The following EPB41L5 variants were observed in gnomAD, a reference collection of about 807,000 sequenced individuals.
EPB41L5 encodes erythrocyte membrane protein band 4.1 like 5.
A neutral mutation model predicts 106.6 loss-of-function variants in EPB41L5; 55 were observed. The observed-to-expected ratio is 0.52, with a 90% CI of 0.42 to 0.65. The LOEUF (loss-of-function observed/expected upper bound fraction) is 0.65, where lower values mean the gene tolerates loss of function less well. EPB41L5 is among the 30% of genes least tolerant of loss of function. The pLI is 0.00. For synonymous variants in EPB41L5, 297 were observed against 306.7 expected (o/e 0.97, Z 0.33); for missense variants, 871 against 882.1 (o/e 0.99, Z 0.16).
intron 3 of EPB41L5, among the ~76,000 whole-genome samples, chr2:120,052,441 A>T (rs779662219): frequency 7.9e-5 from 12 of 152,134 alleles, no homozygotes; most frequent in Non-Finnish European, 8.8e-5. Context: ...GCTAGGCCTC[A>T]CCACTATGAA....
chr2:120,099,313 A>AT (rs1200444662), intron 14 of EPB41L5, among the ~76,000 whole-genome samples: 3 of 131,524 alleles, frequency 2.3e-5, no homozygotes, highest in African/African-American at 2.8e-5. Flanking sequence ...ATTTTACTGA[A>AT]TTTTTTTTTC....
At chr2:120,078,725 G>A (rs79848581) in intron 10 of EPB41L5, 144 bp downstream of exon 10, 112 of 538,760 alleles carry the variant, frequency 2.1e-4, no homozygotes, top group African/African-American at 2.0e-3. Context: ...ACACTATTAC[G>A]CATCATTATT....
chr2:120,160,861 A>G lies in EPB41L5; in HGVS notation c.1794-20A>G, dbSNP rs759869106. Reference sequence around the variant, plus strand: ...CCTGTACAGGTCCTACATGATGTGAATTTATCTTTTTCTTCCTAGTGCTGT... The same window carrying G: ...CCTGTACAGGTCCTACATGATGTGAGTTTATCTTTTTCTTCCTAGTGCTGT... On this transcript the variant is annotated intron_variant, in intron 20 of 24. Coordinates refer to ENST00000263713, the MANE Select transcript of EPB41L5 (RefSeq NM_020909.4). 4.4e-6 allele frequency: 7 copies of G among 1,584,336 alleles called. No individual in the cohort carries two copies. The highest frequency in any genetic ancestry group is 1.1e-5 in the South Asian group (1 of 90,378).
intron 18 of EPB41L5, among the ~76,000 whole-genome samples, chr2:120,134,610 T>C (rs911597031): frequency 6.6e-6 from 1 of 152,102 alleles, no homozygotes; most frequent in Admixed American, 6.5e-5. Flanking sequence ...AGAGAGACTT[T>C]ATGGGAGAAA....
At chr2:120,057,483 T>C (rs1680736978) in intron 3 of EPB41L5, among the ~76,000 whole-genome samples, 1 of 152,166 alleles carries the variant, frequency 6.6e-6, no homozygotes, top group Admixed American at 6.5e-5. Flanking sequence ...AATTCAGATA[T>C]CCCCCAAGCC....
At chr2:120,158,543 T>G (rs1414737998) in intron 20 of EPB41L5, among the ~76,000 whole-genome samples, 1 of 152,202 alleles carries the variant, frequency 6.6e-6, no homozygotes, top group Non-Finnish European at 1.5e-5. Context: ...CAACACTGCT[T>G]CGGGTTAAAA....
rs1677743701 is a variant in EPB41L5, at chr2:120,019,104, G to A, written c.20G>A (p.Arg7Lys). Reference protein sequence around the residue: MLSFFRRTLGRRSMRKH... With the variant: MLSFFRKTLGRRSMRKH... ...ACAAAAATGCTGAGTTTCTTCCGTA[G>A]AACACTAGGGCGTCGGTCTATGCGT... The change falls in exon 2 of 25, where the codon AGA (arginine) becomes AAA (lysine). Residue 7 changes from arginine to lysine, a missense_variant. Physicochemically the swap from Arg to Lys is conservative, Grantham distance 26. Coordinates refer to ENST00000263713, the MANE Select transcript of EPB41L5 (RefSeq NM_020909.4). 2 of 1,605,270 alleles carry A rather than the reference G, an allele frequency of 1.2e-6. No homozygotes were observed. The highest frequency in any genetic ancestry group is 1.7e-6 in the Non-Finnish European group (2 of 1,177,778).
At chr2:120,109,076 C>T (rs1684603665) in intron 16 of EPB41L5, among the ~76,000 whole-genome samples, 1 of 152,086 alleles carries the variant, frequency 6.6e-6, no homozygotes, top group Admixed American at 6.6e-5. Context: ...TACCAGAGTA[C>T]CTCATTGGGT....
chr2:120,143,524 G>A (rs570359884), intron 19 of EPB41L5, among the ~76,000 whole-genome samples: 1 of 152,116 alleles, frequency 6.6e-6, no homozygotes, highest in Non-Finnish European at 1.5e-5. Context: ...AAGGATGGAG[G>A]GGGTAGGGAC....
chr2:120,154,782 C>T lies in EPB41L5; in HGVS notation c.1794-6099C>T, dbSNP rs7598452. 5.3e-3 allele frequency among the ~76,000 whole-genome samples: 798 copies of T among 151,946 alleles called. 4 individuals are homozygous for T. Among genetic ancestry groups the T allele is most frequent in the African/African-American group, 0.018 (762 of 41,474 alleles). ...TCTGCTAAAAATACAAAATATTAGC[C>T]GGGCGTGGTGGCGGGTGCCTATAGT... is the stretch of plus-strand genomic sequence containing the variant. On this transcript the variant is annotated intron_variant, in intron 20 of 24. Transcript: ENST00000263713.
intron 16 of EPB41L5, among the ~76,000 whole-genome samples, chr2:120,112,107 G>A (rs1410897567): frequency 6.6e-6 from 1 of 151,874 alleles, no homozygotes; most frequent in Non-Finnish European, 1.5e-5. Flanking sequence ...TTTCCTGTCT[G>A]CCTTACCCTG....
At chr2:120,094,583 T>G (rs1178339499) in intron 14 of EPB41L5, among the ~76,000 whole-genome samples, 1 of 152,050 alleles carries the variant, frequency 6.6e-6, no homozygotes, top group East Asian at 1.9e-4. Context: ...TCTGTTTCAT[T>G]AATTTTTGCT....
intron 2 of EPB41L5, among the ~76,000 whole-genome samples, chr2:120,028,170 TA>T (rs1330652001): frequency 6.6e-6 from 1 of 151,786 alleles, no homozygotes; most frequent in Non-Finnish European, 1.5e-5. Context: ...GGCCGGAAGT[TA>T]TTTTTTTTTT....
chr2:120,061,233 T>A (rs1474499289), intron 3 of EPB41L5, among the ~76,000 whole-genome samples: 86 of 148,036 alleles, frequency 5.8e-4, no homozygotes, highest in Middle Eastern at 3.4e-3. Context: ...TTTTTATTTT[T>A]TTTTTTTGAG....
chr2:120,126,298 T>A (rs1685458227), intron 16 of EPB41L5, among the ~76,000 whole-genome samples: 2 of 152,156 alleles, frequency 1.3e-5, no homozygotes, highest in Non-Finnish European at 2.9e-5. Context: ...ACTGAAACAT[T>A]TATAGTTGTG....
chr2:120,165,409 C>T (rs1218897347), intron 22 of EPB41L5, among the ~76,000 whole-genome samples: 2 of 152,136 alleles, frequency 1.3e-5, no homozygotes, highest in African/African-American at 2.4e-5. Context: ...ATATAACCTA[C>T]ACATATCCTC....
At chr2:120,160,024 G>A (rs533127681) in intron 20 of EPB41L5, among the ~76,000 whole-genome samples, 9 of 152,232 alleles carry the variant, frequency 5.9e-5, no homozygotes, top group Middle Eastern at 3.4e-3. Context: ...ATGAGAACAC[G>A]TGGACACATA....
At chr2:120,167,826 ACC>A in intron 23 of EPB41L5, 49 bp from the exon 24 acceptor site, 1 of 1,609,116 alleles carries the variant, frequency 6.2e-7, no homozygotes, top group South Asian at 1.1e-5. Context: ...TGAAGTGCTG[ACC>A]AGGCAGGTAT....
intron 17 of EPB41L5, among the ~76,000 whole-genome samples, chr2:120,128,698 G>A (rs1444382097): frequency 6.6e-6 from 1 of 151,068 alleles, no homozygotes; most frequent in African/African-American, 2.4e-5. Context: ...AAATGTTCTG[G>A]TACATCATGG....
Sources: gnomAD v4.1 joint callset for allele counts (sites outside exome capture counted in the v4.1 genomes callset) on GRCh38, gnomAD v4.1.1 for gene constraint, MANE v1.5 for transcripts, NCBI Gene and HGNC (gene_info 2026-07-23, HGNC 2026-07-21) for gene names.